PRKAA1: variants seen among roughly 807,000 people sequenced by gnomAD.
PRKAA1 encodes 5'-AMP-activated protein kinase catalytic subunit alpha-1.
A neutral mutation model predicts 56.9 loss-of-function variants in PRKAA1; 23 were observed. The ratio of observed to expected loss-of-function variants is 0.40; its 90% CI spans 0.29 to 0.57. The LOEUF (loss-of-function observed/expected upper bound fraction) is 0.57. PRKAA1 is among the 20% of genes least tolerant of loss of function. The pLI, the probability that PRKAA1 is intolerant of heterozygous loss-of-function variation, is 0.39. For missense variants in PRKAA1, 413 were observed against 679.7 expected, an observed-to-expected ratio of 0.61 and a Z score of 4.36; for synonymous variants, 226 against 227.0, an observed-to-expected ratio of 1.00 and a Z score of 0.04.
intron 1 of PRKAA1, among the ~76,000 whole-genome samples, chr5:40,796,301 G>C (rs975004614): frequency 3.3e-5 from 5 of 151,572 alleles, no homozygotes; most frequent in Admixed American, 6.6e-5. Flanking sequence ...CTGGGCAACA[G>C]AGCAAGACCC....
At chr5:40,778,868 C>T (rs1391397394) in intron 1 of PRKAA1, among the ~76,000 whole-genome samples, 1 of 145,272 alleles carries the variant, frequency 6.9e-6, no homozygotes, top group East Asian at 2.0e-4. Context: ...CTCACTGCAG[C>T]GTTAACCTCC....
Position 40,767,565 on chromosome 5 carries a change from ATC to A in PRKAA1, c.720_721del (p.Ile241LeufsTer13). On this transcript the variant is annotated frameshift_variant, in exon 6 of 9. Coordinates refer to ENST00000397128, the MANE Select transcript of PRKAA1 (RefSeq NM_006251.6). LOFTEE classifies it high-confidence loss of function. ...ATTTAAATATTGAGGGGTATAGAAGATCCCATCACATATCTTCTTAAAAAGAG... is the reference window on the plus strand; with the variant it reads ...ATTTAAATATTGAGGGGTATAGAAGACCATCACATATCTTCTTAAAAAGAG... 5 of 1,613,422 alleles carry A rather than the reference ATC, an allele frequency of 3.1e-6. No homozygotes were observed. Among genetic ancestry groups the A allele is most frequent in the Non-Finnish European group, 4.2e-6 (5 of 1,179,386 alleles).
intron 1 of PRKAA1, among the ~76,000 whole-genome samples, chr5:40,780,594 C>T (rs1744227945): frequency 6.6e-6 from 1 of 152,114 alleles, no homozygotes; most frequent in Non-Finnish European, 1.5e-5. Context: ...TTGGCTCAGT[C>T]CAAAGACCTC....
chr5:40,777,977 G>A (rs1447117947), intron 1 of PRKAA1, among the ~76,000 whole-genome samples: 1 of 152,208 alleles, frequency 6.6e-6, no homozygotes, highest in Non-Finnish European at 1.5e-5. Context: ...GGGAGGCTGA[G>A]GCAGGAGAAT....
At chr5:40,794,209 A>G (rs143104217) in intron 1 of PRKAA1, among the ~76,000 whole-genome samples, 5 of 152,124 alleles carry the variant, frequency 3.3e-5, no homozygotes, top group African/African-American at 1.2e-4. Context: ...GTGGTATCAC[A>G]TTGTGGTTCT....
At chr5:40,768,137 T>C (rs1440196434) in intron 5 of PRKAA1, among the ~76,000 whole-genome samples, 1 of 152,156 alleles carries the variant, frequency 6.6e-6, no homozygotes, top group African/African-American at 2.4e-5. Flanking sequence ...GCCAGGCAAA[T>C]TGGTTCACAG....
Position 40,760,022 on chromosome 5 carries a change from T to C in PRKAA1, c.*2756A>G, listed in dbSNP as rs1743103858. The C allele has an allele frequency of 1.3e-5, 2 of 152,890 alleles. No individual in the cohort carries two copies. Among genetic ancestry groups the C allele is most frequent in the Admixed American group, 6.5e-5 (1 of 15,304 alleles). 9.5% of individuals were successfully genotyped at this position (152,890 alleles called of 1,614,324 possible). On this transcript the variant is annotated 3_prime_UTR_variant, in exon 9 of 9. Transcript: ENST00000397128. ...AGTACATTTCTGGCAAAAAACCTTATACATCTTTCAGTTGTCAAGACAAAG... is the reference window on the plus strand; with the variant it reads ...AGTACATTTCTGGCAAAAAACCTTACACATCTTTCAGTTGTCAAGACAAAG...
chr5:40,795,803 C>A (rs1452284803), intron 1 of PRKAA1, among the ~76,000 whole-genome samples: 4 of 152,174 alleles, frequency 2.6e-5, no homozygotes, highest in African/African-American at 9.7e-5. Flanking sequence ...AACCTATGAT[C>A]CTTGGACTAA....
rs371358019 is a variant in PRKAA1 at position 40,764,896 on chromosome 5, G to C, written c.1164C>G (p.Thr388=). 7 of 1,613,936 alleles carry C rather than the reference G, an allele frequency of 4.3e-6. No homozygotes were observed. Among genetic ancestry groups the C allele is most frequent in the African/African-American group, 4.0e-5 (3 of 74,882 alleles). The part of the protein sequence containing the change: ...LVAETPRARH[T]LDELNPQKSK... ...ATTTCTGTGGATTTAATTCATCAAG[G>C]GTATGGCGTGCCCTTGGTGTTTCAG... The change falls in exon 7 of 9, where the codon ACC becomes ACG. Residue 388 remains threonine (T), a synonymous_variant. Transcript: ENST00000397128.
intron 6 of PRKAA1, among the ~76,000 whole-genome samples, chr5:40,767,067 C>A (rs1329362936): frequency 6.6e-6 from 1 of 151,996 alleles, no homozygotes; most frequent in Non-Finnish European, 1.5e-5. Flanking sequence ...TATGGGGCCT[C>A]GCTATGTTAC....
At chr5:40,768,736 A>G (rs969006533) in intron 5 of PRKAA1, 3 of 1,309,856 alleles carry the variant, frequency 2.3e-6, no homozygotes, top group Non-Finnish European at 2.9e-6. Flanking sequence ...AAAGTTATTA[A>G]AAGTTCATTA....
At chr5:40,768,939 TAAAAGGTTTAAAGAACA>T (rs770859878) in intron 5 of PRKAA1, 9 of 1,509,530 alleles carry the variant, frequency 6.0e-6, no homozygotes, top group Non-Finnish European at 8.1e-6. Flanking sequence ...TTGCAGTCTC[TAAAAGGTTTAAAGAACA>T]AAGATTCAAC....
At chr5:40,777,682 C>T (rs998488214) in intron 1 of PRKAA1, 96 bp from the exon 2 acceptor site, 2 of 1,242,750 alleles carry the variant, frequency 1.6e-6, no homozygotes, top group Admixed American at 2.6e-5. Context: ...GCCTGTAATC[C>T]CAGCACTTTG....
intron 1 of PRKAA1, among the ~76,000 whole-genome samples, chr5:40,791,599 T>TAC (rs1744720277): frequency 6.6e-6 from 1 of 152,228 alleles, no homozygotes; most frequent in African/African-American, 2.4e-5. Context: ...TAGAAATATC[T>TAC]ACTAAAGATA....
chr5:40,767,433 T>C, intron 6 of PRKAA1, 33 bp downstream of exon 6: 1 of 1,534,562 alleles, frequency 6.5e-7, no homozygotes, highest in Non-Finnish European at 9.0e-7. Flanking sequence ...ATGGATACTA[T>C]CAGATCTGAT....
At chr5:40,780,185 T>C (rs1381675199) in intron 1 of PRKAA1, among the ~76,000 whole-genome samples, 1 of 152,220 alleles carries the variant, frequency 6.6e-6, no homozygotes, top group East Asian at 1.9e-4. Flanking sequence ...ATCTGGTTAT[T>C]GCTTGGCCAT....
At chr5:40,781,586 A>G (rs1053473638) in intron 1 of PRKAA1, among the ~76,000 whole-genome samples, 11 of 152,164 alleles carry the variant, frequency 7.2e-5, no homozygotes, top group Non-Finnish European at 1.6e-4. Context: ...AAGGCACTGG[A>G]AGATGTAAGA....
intron 3 of PRKAA1, 87 bp downstream of exon 3, chr5:40,775,323 C>T (rs557594525): frequency 9.8e-7 from 1 of 1,019,824 alleles, no homozygotes; most frequent in African/African-American, 1.6e-5. Flanking sequence ...AAATAGACCT[C>T]TTAAAATTGG....
intron 2 of PRKAA1, 130 bp downstream of exon 2, chr5:40,777,315 G>C: frequency 9.4e-7 from 1 of 1,067,840 alleles, no homozygotes. Flanking sequence ...ACACAGCCTA[G>C]GAAGAAACTT....
Sources: allele counts gnomAD v4.1 joint callset (sites outside exome capture counted in the v4.1 genomes callset), GRCh38; gene constraint gnomAD v4.1.1; transcripts MANE v1.5; gene names NCBI Gene and HGNC (gene_info 2026-07-23, HGNC 2026-07-21).